Variants in SHOX observed in about 807,000 individuals in gnomAD.
The protein encoded by SHOX is SHOX homeobox.
A neutral mutation model predicts 29.6 loss-of-function variants in SHOX; 12 were observed. The ratio of observed to expected loss-of-function variants is 0.41; its 90% CI spans 0.26 to 0.66. The LOEUF is 0.66. SHOX is among the 30% of genes least tolerant of loss of function. The pLI, the probability that SHOX is intolerant of heterozygous loss-of-function variation, is 0.35. For missense variants in SHOX, 499 were observed against 437.7 expected, an observed-to-expected ratio of 1.14 and a Z score of -1.25; for synonymous variants, 214 against 200.6, an observed-to-expected ratio of 1.07 and a Z score of -0.57.
upstream of SHOX, among the ~76,000 whole-genome samples, chrX:628,843 C>T (rs1186155815): frequency 3.3e-3 from 34 of 10,184 alleles, 13 homozygotes; most frequent in Non-Finnish European, 5.6e-3. Context: ...CTGTCTCTCC[C>T]TGTGTTTCTC....
intron 1 of SHOX, 57 bp from the exon 2 acceptor site, chrX:634,561 G>T: frequency 3.1e-6 from 5 of 1,587,592 alleles, no homozygotes; most frequent in Non-Finnish European, 4.3e-6. Context: ...GAAGGGGTTC[G>T]CCACGTTGCG....
chrX:641,078 T>C lies in SHOX; in HGVS notation c.624T>C (p.Pro208=). Residue 208 remains proline, a synonymous_variant, in exon 4 of 5, where the codon CCT becomes CCC. Transcript: ENST00000686671. ...TCAACATGGGAGCCTTACGGATGCCTTTCCAACAGGTAGCTCACTTTTTCT... is the reference window on the plus strand; with the variant it reads ...TCAACATGGGAGCCTTACGGATGCCCTTCCAACAGGTAGCTCACTTTTTCT... ...PYVNMGALRM[P]FQQVQAQLQL... 1 of 1,613,768 alleles carries C rather than the reference T, an allele frequency of 6.2e-7. No individual in the cohort carries two copies. Among genetic ancestry groups the C allele is most frequent in the Admixed American group, 1.7e-5 (1 of 60,000 alleles).
At chrX:642,374 G>T (rs1444848119) in intron 4 of SHOX, among the ~76,000 whole-genome samples, 1 of 152,060 alleles carries the variant, frequency 6.6e-6, no homozygotes, top group South Asian at 2.1e-4. Context: ...ACAGGCTGGG[G>T]ATTGTATTTG....
chrX:655,148 A>C (rs2053119439), downstream of SHOX, among the ~76,000 whole-genome samples: 2 of 149,758 alleles, frequency 1.3e-5, no homozygotes, highest in East Asian at 2.1e-4. Context: ...TTGCTCTGTC[A>C]CCAGGCAGGA....
intron 1 of SHOX, among the ~76,000 whole-genome samples, chrX:633,567 C>T (rs2052686275): frequency 6.6e-6 from 1 of 151,976 alleles, no homozygotes; most frequent in Non-Finnish European, 1.5e-5. Flanking sequence ...CTGTAGACAC[C>T]CTGGATTTGT....
At chrX:625,078 T>TCTCCCTCCCTCCCTCCTTCCCTCC (rs1569491794) in intron 1 of SHOX, among the ~76,000 whole-genome samples, 1 of 106,144 alleles carries the variant, frequency 9.4e-6, no homozygotes, top group East Asian at 3.3e-4. Context: ...TCCCTCCTTC[T>TCTCCCTCCCTCCCTCCTTCCCTCC]CTCCCTCCCT....
upstream of SHOX, chrX:630,579 G>T: frequency 2.0e-6 from 1 of 498,642 alleles, no homozygotes; most frequent in Non-Finnish European, 3.6e-6. Flanking sequence ...CCAAAAATGG[G>T]ATCTTTCCCC....
At chrX:641,159 C>A in intron 4 of SHOX, 72 bp downstream of exon 4, 1 of 1,421,038 alleles carries the variant, frequency 7.0e-7, no homozygotes, top group Non-Finnish European at 9.9e-7. Context: ...CTATTTGCTG[C>A]CGCATCCTGA....
chrX:658,455 G>A (rs2053177378), intron 5 of SHOX, among the ~76,000 whole-genome samples: 1 of 149,980 alleles, frequency 6.7e-6, no homozygotes, highest in Non-Finnish European at 1.5e-5. Flanking sequence ...GATAAGGCAT[G>A]TTCTCAAAAA....
upstream of SHOX, among the ~76,000 whole-genome samples, chrX:626,609 C>T (rs867541027): frequency 7.2e-6 from 1 of 138,014 alleles, no homozygotes; most frequent in Non-Finnish European, 1.5e-5. Flanking sequence ...CTCTTTCTCT[C>T]CTCTCTCTGT....
At position 648,495 on chromosome X, in the gene SHOX, C is replaced by T. The variant is rs2052995515; in HGVS notation, c.*3859C>T. Among the ~76,000 whole-genome samples the T allele has an allele frequency of 6.6e-6, 1 of 152,208 alleles. No individual in the cohort carries two copies. Among genetic ancestry groups the T allele is most frequent in the African/African-American group, 2.4e-5 (1 of 41,442 alleles). On this transcript the variant is annotated 3_prime_UTR_variant, in exon 5 of 5. Coordinates refer to ENST00000686671, the MANE Select transcript of SHOX (RefSeq NM_000451.4). ...TGCCCGCTTTGTCCCTCGCAAAGTG[C>T]TGGGATTACAGGCGTGAGCCACCGC...
chrX:651,630 C>G (rs1280022824), downstream of SHOX, among the ~76,000 whole-genome samples: 1 of 121,068 alleles, frequency 8.3e-6, no homozygotes, highest in African/African-American at 3.3e-5. Context: ...CCCCTGAGGA[C>G]AGGCTTATTG....
downstream of SHOX, among the ~76,000 whole-genome samples, chrX:655,860 G>A (rs2124223716): frequency 6.6e-6 from 1 of 152,044 alleles, no homozygotes; most frequent in Non-Finnish European, 1.5e-5. Context: ...AAGGAGACCA[G>A]GATTTGTAAT....
rs2053055454 is a variant in SHOX at position 651,184 on chromosome X, ATTTATT to A, written c.*6554_*6559del. On this transcript the variant is annotated 3_prime_UTR_variant, in exon 5 of 5. Transcript: ENST00000686671. ...GAGTGTAAATTTGACATCGCGTTGCATTTATTTTTATATTTCTGAAAACTGTTGCTT... is the reference window on the plus strand; with the variant it reads ...GAGTGTAAATTTGACATCGCGTTGCATTTATATTTCTGAAAACTGTTGCTT... The A allele has an allele frequency of 7.2e-6, 3 of 417,230 alleles. No homozygotes were observed. The highest frequency in any genetic ancestry group is 1.4e-5 in the Non-Finnish European group (3 of 207,640). The allele number at this position is 417,230 out of a possible 1,614,324, so 25.8% of individuals were successfully genotyped here. A position where few individuals can be genotyped will look rare whatever the true frequency, so the allele number is the denominator to read the frequency against.
chrX:646,268 C>A lies in SHOX; in HGVS notation c.*1632C>A, dbSNP rs771623192. On this transcript the variant is annotated 3_prime_UTR_variant, in exon 5 of 5. Coordinates refer to ENST00000686671, the MANE Select transcript of SHOX (RefSeq NM_000451.4). The stretch of plus-strand genomic sequence containing the variant: ...CAAAAACATTCAAGGGTTCTGCCCC[C>A]AGATTTCGGGAGATCCACGTTCCAT... 6.6e-6 allele frequency: 1 copy of A among 152,110 alleles called. No homozygotes were observed. Among genetic ancestry groups the A allele is most frequent in the Non-Finnish European group, 1.5e-5 (1 of 68,060 alleles). The allele number at this position is 152,110 out of a possible 1,614,324, so 9.4% of individuals were successfully genotyped here.
At position 631,220 on chromosome X, in the gene SHOX, C is replaced by A. The variant is rs2052643054; in HGVS notation, c.277+46C>A. On this transcript the variant is annotated intron_variant, in intron 1 of 4. Transcript: ENST00000686671. ...GCTCCAGGGGGGCCCTCCTGGGGTT[C>A]GGCGCCTCCTCGCCACGGAGTCGGC... is the stretch of plus-strand genomic sequence containing the variant. The A allele has an allele frequency of 1.9e-6, 3 of 1,605,510 alleles. No individual in the cohort carries two copies. The East Asian group carries it at 6.7e-5, about 36-fold the overall frequency.
At position 640,760 on chromosome X, in the gene SHOX, C is replaced by T. The variant is rs756571233; in HGVS notation, c.487-61C>T. 7.5e-6 allele frequency: 12 copies of T among 1,589,538 alleles called. No homozygotes were observed. The East Asian group carries it at 2.5e-4, about 33-fold the overall frequency. ...GGTTCAGCCTCATGGGAAGGATGCTCCCTGGGGAGGCTGGGCTGGGTTCAC... is the reference window on the plus strand; with the variant it reads ...GGTTCAGCCTCATGGGAAGGATGCTTCCTGGGGAGGCTGGGCTGGGTTCAC... On this transcript the variant is annotated intron_variant, in intron 2 of 4. Coordinates refer to ENST00000686671, the MANE Select transcript of SHOX (RefSeq NM_000451.4).
intron 5 of SHOX, among the ~76,000 whole-genome samples, chrX:658,120 GT>G (rs1489964270): frequency 6.6e-6 from 1 of 151,948 alleles, no homozygotes; most frequent in Non-Finnish European, 1.5e-5. Context: ...GATCACAGGT[GT>G]GCACCACCAC....
downstream of SHOX, among the ~76,000 whole-genome samples, chrX:655,449 C>A (rs1254629778): frequency 4.0e-5 from 6 of 150,678 alleles, no homozygotes; most frequent in African/African-American, 9.7e-5. Context: ...TCCAAAAAAT[C>A]AAAAATTTAG....
Sources: allele counts gnomAD v4.1 joint callset (sites outside exome capture counted in the v4.1 genomes callset), GRCh38; gene constraint gnomAD v4.1.1; transcripts MANE v1.5; gene names NCBI Gene and HGNC (gene_info 2026-07-23, HGNC 2026-07-21).